CTTN: variants seen among roughly 807,000 people sequenced by gnomAD.
CTTN encodes the protein cortactin.
CTTN carries 28 observed loss-of-function variants against 84.0 expected under a neutral mutation model. The ratio of observed to expected loss-of-function variants is 0.33; its 90% confidence interval spans 0.25 to 0.46. The LOEUF (loss-of-function observed/expected upper bound fraction) is 0.46. Among genes scored for constraint, CTTN ranks in the 20% least tolerant of loss-of-function variants. The pLI is 1.00. For synonymous variants in CTTN, 301 were observed against 288.8 expected (o/e 1.04, Z -0.43); for missense variants, 641 against 723.8 (o/e 0.89, Z 1.31).
chr11:70,423,444 G>A (rs764831204), intron 12 of CTTN, among the ~76,000 whole-genome samples: 30 of 152,244 alleles, frequency 2.0e-4, no homozygotes, highest in Non-Finnish European at 3.8e-4. Context: ...AGAGACGCGG[G>A]CTCCACACTG....
chr11:70,400,269 G>C (rs907879898), intron 1 of CTTN, among the ~76,000 whole-genome samples: 11 of 152,258 alleles, frequency 7.2e-5, no homozygotes, highest in African/African-American at 2.6e-4. Context: ...AGGAGTTCCA[G>C]ACTAGCCTGG....
rs2058143599 is a variant in CTTN, at chr11:70,415,155, A to T, written c.402+503A>T. Among the ~76,000 whole-genome samples the T allele has an allele frequency of 2.0e-5, 3 of 152,214 alleles. No individual in the cohort carries two copies. The South Asian group carries it at 6.2e-4, about 32-fold the overall frequency. On this transcript the variant is annotated intron_variant, in intron 6 of 17. Transcript: ENST00000301843. ...GGAGCCTGGAGGGAGCAGGGAGCTG[A>T]TGCTGGTCGCAGATTGTGGCTTTGT...
chr11:70,434,223 C>T (rs561982636), intron 17 of CTTN, among the ~76,000 whole-genome samples: 53 of 152,370 alleles, frequency 3.5e-4, no homozygotes, highest in African/African-American at 1.2e-3. Context: ...CCCGTGTTCC[C>T]TCAGGGCCAG....
intron 1 of CTTN, among the ~76,000 whole-genome samples, chr11:70,403,770 T>C (rs2058013365): frequency 6.6e-6 from 1 of 152,220 alleles, no homozygotes; most frequent in South Asian, 2.1e-4. Flanking sequence ...CAAACTTATT[T>C]CCTATTGGTT....
intron 8 of CTTN, 152 bp downstream of exon 8, chr11:70,417,275 G>T: frequency 4.6e-6 from 3 of 646,074 alleles, no homozygotes; most frequent in South Asian, 3.6e-5. Flanking sequence ...TTCCTAATTC[G>T]AATGGCTGCA....
intron 12 of CTTN, 45 bp from the exon 13 acceptor site, chr11:70,425,286 GA>G: frequency 1.3e-6 from 2 of 1,508,180 alleles, no homozygotes; most frequent in Non-Finnish European, 1.8e-6. Context: ...AGGGCATGGA[GA>G]AAAGAGAAAA....
At chr11:70,401,695 G>A (rs2057984825) in intron 1 of CTTN, among the ~76,000 whole-genome samples, 1 of 151,888 alleles carries the variant, frequency 6.6e-6, no homozygotes, top group Non-Finnish European at 1.5e-5. Flanking sequence ...TCAGCTTGGT[G>A]TGGTGGTGCA....
chr11:70,420,600 G>T (rs748858968), intron 10 of CTTN, 90 bp downstream of exon 10: 4 of 908,428 alleles, frequency 4.4e-6, no homozygotes, highest in Non-Finnish European at 7.3e-6. Context: ...GTCTGCGTGT[G>T]CCTGCTGCAC....
At chr11:70,430,479 G>C (rs183718504) in intron 14 of CTTN, among the ~76,000 whole-genome samples, 1 of 152,066 alleles carries the variant, frequency 6.6e-6, no homozygotes, top group South Asian at 2.1e-4. Context: ...TGTTGTCACC[G>C]CCCCTCCTCT....
At chr11:70,399,932 G>A (rs368433769) in intron 1 of CTTN, among the ~76,000 whole-genome samples, 86 of 152,310 alleles carry the variant, frequency 5.6e-4, no homozygotes, top group African/African-American at 2.0e-3. Flanking sequence ...CGCAGGAGGG[G>A]CTGGCCGCCT....
chr11:70,416,809 G>T, intron 7 of CTTN: 1 of 546,148 alleles, frequency 1.8e-6, no homozygotes, highest in Non-Finnish European at 3.3e-6. Flanking sequence ...CAGCTGACAG[G>T]GCCCAGAACC....
chr11:70,419,431 A>G (rs1440845481), intron 8 of CTTN, among the ~76,000 whole-genome samples: 1 of 151,920 alleles, frequency 6.6e-6, no homozygotes, highest in Non-Finnish European at 1.5e-5. Flanking sequence ...TTTTTAAAAT[A>G]TTAGCTAATG....
intron 14 of CTTN, among the ~76,000 whole-genome samples, chr11:70,429,722 G>A (rs987392944): frequency 4.6e-5 from 7 of 152,190 alleles, no homozygotes; most frequent in African/African-American, 1.7e-4. Flanking sequence ...GATGCCAGAA[G>A]TGCACCCCTG....
At chr11:70,431,547 G>T (rs1052747359) in intron 15 of CTTN, among the ~76,000 whole-genome samples, 18 of 152,222 alleles carry the variant, frequency 1.2e-4, no homozygotes, top group Admixed American at 3.9e-4. Flanking sequence ...TGTCACTGCA[G>T]TCCCTGCTGT....
chr11:70,422,239 C>G (rs930976503), intron 11 of CTTN: 1 of 347,324 alleles, frequency 2.9e-6, no homozygotes, highest in Non-Finnish European at 5.7e-6. Context: ...TTATTAGAAC[C>G]TGAACACATA....
chr11:70,406,588 G>A (rs1365105442), intron 2 of CTTN, among the ~76,000 whole-genome samples: 1 of 151,754 alleles, frequency 6.6e-6, no homozygotes, highest in South Asian at 2.1e-4. Context: ...TCTTGTTAGG[G>A]TTTACAGATG....
chr11:70,402,712 A>G (rs1357969869), intron 1 of CTTN, among the ~76,000 whole-genome samples: 4 of 152,218 alleles, frequency 2.6e-5, no homozygotes, highest in African/African-American at 4.8e-5. Flanking sequence ...GGTAGACCAC[A>G]TGTTATGTAT....
chr11:70,426,750 G>A (rs866944447), intron 13 of CTTN, among the ~76,000 whole-genome samples: 11 of 151,692 alleles, frequency 7.3e-5, no homozygotes, highest in Non-Finnish European at 1.2e-4. Flanking sequence ...CACCACGCCC[G>A]GCTAATTTTT....
intron 13 of CTTN, among the ~76,000 whole-genome samples, chr11:70,426,966 G>A (rs2058307281): frequency 6.6e-6 from 1 of 151,918 alleles, no homozygotes; most frequent in South Asian, 2.1e-4. Context: ...GAATTCCTGA[G>A]CTCAAGTGAT....
Sources: gnomAD v4.1 joint callset for allele counts (sites outside exome capture counted in the v4.1 genomes callset) on GRCh38, gnomAD v4.1.1 for gene constraint, MANE v1.5 for transcripts, NCBI Gene and HGNC (gene_info 2026-07-23, HGNC 2026-07-21) for gene names.